PDE4D: variants seen among roughly 807,000 people sequenced by gnomAD.
PDE4D encodes the protein 3',5'-cyclic-AMP phosphodiesterase 4D.
PDE4D carries 24 observed loss-of-function variants against 87.4 expected under a neutral mutation model. The observed-to-expected ratio is 0.27, with a 90% CI of 0.20 to 0.39. The LOEUF (loss-of-function observed/expected upper bound fraction) is 0.39. PDE4D is among the 10% of genes least tolerant of loss of function. The pLI is 1.00. For synonymous variants in PDE4D, 384 were observed against 383.2 expected (o/e 1.00, Z -0.02); for missense variants, 714 against 1,041.0 (o/e 0.69, Z 4.32).
chr5:59,440,361 C>A (rs1370190531), intron 1 of PDE4D, among the ~76,000 whole-genome samples: 1 of 151,392 alleles, frequency 6.6e-6, no homozygotes, highest in Non-Finnish European at 1.5e-5. Context: ...TTTTAAACAC[C>A]TTTACTTATT....
chr5:60,230,284 T>G (rs1322012211), intron 1 of PDE4D, among the ~76,000 whole-genome samples: 1 of 152,098 alleles, frequency 6.6e-6, no homozygotes, highest in Non-Finnish European at 1.5e-5. Context: ...TTTTAATTAT[T>G]TTGAAATAGT....
intron 1 of PDE4D, among the ~76,000 whole-genome samples, chr5:59,626,600 GTTT>G (rs1830931131): frequency 6.6e-6 from 1 of 152,040 alleles, no homozygotes; most frequent in South Asian, 2.1e-4. Flanking sequence ...CTACAAATTT[GTTT>G]TTTAAATGCT....
At chr5:59,331,586 T>C (rs1776736326) in intron 1 of PDE4D, among the ~76,000 whole-genome samples, 1 of 152,214 alleles carries the variant, frequency 6.6e-6, no homozygotes, top group Non-Finnish European at 1.5e-5. Flanking sequence ...CCTCATGTTT[T>C]CCCTATGGTA....
intron 1 of PDE4D, among the ~76,000 whole-genome samples, chr5:59,458,311 A>G (rs1800229840): frequency 6.6e-6 from 1 of 152,364 alleles, no homozygotes; most frequent in African/African-American, 2.4e-5. Context: ...CCTTCAATAC[A>G]TATTTGGTGA....
chr5:59,427,491 A>ATTGGGTGAGG (rs1795466394), intron 1 of PDE4D, among the ~76,000 whole-genome samples: 1 of 152,160 alleles, frequency 6.6e-6, no homozygotes, highest in South Asian at 2.1e-4. Flanking sequence ...TTACAGTCCA[A>ATTGGGTGAGG]TTGGGTGAGG....
intron 1 of PDE4D, among the ~76,000 whole-genome samples, chr5:59,508,329 C>A (rs543608449): frequency 1.2e-4 from 19 of 152,188 alleles, no homozygotes; most frequent in Non-Finnish European, 1.9e-4. Flanking sequence ...ATATTTCTTT[C>A]AAAAATTTCT....
chr5:59,925,097 C>T (rs927366769), intron 3 of PDE4D, among the ~76,000 whole-genome samples: 2 of 142,944 alleles, frequency 1.4e-5, no homozygotes. Flanking sequence ...ATGGCGTGAA[C>T]CCAGGAGGCA....
rs182534767 is a variant in PDE4D, at chr5:60,250,626, T to C, written c.-89-64939A>G. Among the ~76,000 whole-genome samples, 190 of 152,076 alleles carry C rather than the reference T, an allele frequency of 1.2e-3. 1 individual carries two copies. The highest frequency in any genetic ancestry group is 9.8e-3 in the Admixed American group (149 of 15,246). On this transcript the variant is annotated intron_variant, in intron 1 of 16. Coordinates refer to the PDE4D transcript ENST00000502484. ...CATAATGGAAAGCAGTACTTATATG[T>C]TTGTAGCAATGTTGGCATAAAAAAC...
At chr5:59,796,957 C>T (rs1160147098) in intron 1 of PDE4D, 1 of 152,046 alleles carries the variant, frequency 6.6e-6, no homozygotes. Flanking sequence ...TTTGGAGCAG[C>T]CTGTCGCAAT....
chr5:58,977,029 C>T (rs1580037204), intron 12 of PDE4D, among the ~76,000 whole-genome samples, 162 bp downstream of exon 12: 1 of 152,294 alleles, frequency 6.6e-6, no homozygotes, highest in East Asian at 1.9e-4. Context: ...AAACCTATTA[C>T]AGAACATCAC....
At chr5:59,088,305 T>A (rs990588806) in intron 5 of PDE4D, among the ~76,000 whole-genome samples, 2 of 152,132 alleles carry the variant, frequency 1.3e-5, no homozygotes, top group African/African-American at 2.4e-5. Flanking sequence ...GGTATTTTCT[T>A]CAAAGGAATA....
intron 1 of PDE4D, among the ~76,000 whole-genome samples, chr5:60,450,597 C>T (rs1250093742): frequency 6.6e-6 from 1 of 152,102 alleles, no homozygotes; most frequent in African/African-American, 2.4e-5. Context: ...CTGCAATTTA[C>T]TTTATATCAA....
intron 1 of PDE4D, among the ~76,000 whole-genome samples, chr5:59,348,623 CTTT>C (rs5868176): frequency 7.7e-6 from 1 of 130,070 alleles, no homozygotes. Flanking sequence ...CACTTCAAAG[CTTT>C]TTTTTTTTTT....
chr5:59,926,411 T>A (rs1755283179), intron 3 of PDE4D, among the ~76,000 whole-genome samples: 1 of 150,994 alleles, frequency 6.6e-6, no homozygotes, highest in African/African-American at 2.4e-5. Flanking sequence ...GAAGAAAAAC[T>A]TCAAAAACAA....
chr5:59,951,101 A>T (rs1279644196), intron 3 of PDE4D, among the ~76,000 whole-genome samples: 1 of 152,186 alleles, frequency 6.6e-6, no homozygotes, highest in East Asian at 1.9e-4. Flanking sequence ...ATGTTGTAAC[A>T]TTTATATTAA....
At chr5:59,425,536 T>G (rs547411699) in intron 1 of PDE4D, among the ~76,000 whole-genome samples, 1 of 152,164 alleles carries the variant, frequency 6.6e-6, no homozygotes, top group East Asian at 1.9e-4. Context: ...ATTGCGTCAG[T>G]TGAAAATCAC....
rs879487857 is a variant in PDE4D at position 59,437,705 on chromosome 5, G to GA, written c.456-221738dup. On this transcript the variant is annotated intron_variant, in intron 1 of 14. Coordinates refer to ENST00000340635, the MANE Select transcript of PDE4D (RefSeq NM_001104631.2). Reference sequence around the variant, plus strand: ...AGTAGATGGCATAACTCCTATCTAGGAAAAAAAAAAAGCATACAATTCATT... The same window carrying GA: ...AGTAGATGGCATAACTCCTATCTAGGAAAAAAAAAAAAGCATACAATTCATT... Among the ~76,000 whole-genome samples, 105 of 140,382 alleles carry GA rather than the reference G, an allele frequency of 7.5e-4. 1 individual carries two copies. The highest frequency in any genetic ancestry group is 3.7e-3 in the Middle Eastern group (1 of 272). 92.1% of individuals were successfully genotyped at this position (140,382 alleles called of 152,430 possible). A position where few individuals can be genotyped will look rare whatever the true frequency, so the allele number is the denominator to read the frequency against.
At chr5:60,002,636 T>C (rs1163579818) in intron 2 of PDE4D, among the ~76,000 whole-genome samples, 1 of 152,152 alleles carries the variant, frequency 6.6e-6, no homozygotes, top group African/African-American at 2.4e-5. Context: ...AAAAATGTAA[T>C]ATACCGAATG....
chr5:59,356,539 C>T (rs140773253), intron 1 of PDE4D, among the ~76,000 whole-genome samples: 5 of 152,250 alleles, frequency 3.3e-5, no homozygotes, highest in Non-Finnish European at 5.9e-5. Context: ...ATTTAACTCT[C>T]AGAATTAGCT....
Sources: gnomAD v4.1 joint callset for allele counts (sites outside exome capture counted in the v4.1 genomes callset) on GRCh38, gnomAD v4.1.1 for gene constraint, MANE v1.5 for transcripts, NCBI Gene and HGNC (gene_info 2026-07-23, HGNC 2026-07-21) for gene names.